Variants in CDC42BPB observed in about 807,000 individuals in gnomAD.
The protein encoded by CDC42BPB is serine/threonine-protein kinase MRCK beta.
Under a neutral mutation model 214.9 loss-of-function variants are expected in CDC42BPB, and 37 were observed. The ratio of observed to expected loss-of-function variants is 0.17; its 90% CI spans 0.13 to 0.23. CDC42BPB has a LOEUF of 0.23. Ranked by LOEUF, CDC42BPB falls within the 10% of genes least tolerant of loss-of-function variation. CDC42BPB has a pLI of 1.00. For synonymous variants in CDC42BPB, 931 were observed against 884.0 expected, an observed-to-expected ratio of 1.05 and a Z score of -0.94; for missense variants, 1,694 against 2,227.0, an observed-to-expected ratio of 0.76 and a Z score of 4.82.
At chr14:102,958,482 G>A (rs1199083307) in intron 21 of CDC42BPB, among the ~76,000 whole-genome samples, 6 of 152,144 alleles carry the variant, frequency 3.9e-5, no homozygotes, top group Non-Finnish European at 7.3e-5. Context: ...CCCATCAGGA[G>A]TTCCATTAGT....
intron 26 of CDC42BPB, 38 bp downstream of exon 26, chr14:102,949,727 G>C: frequency 6.2e-7 from 1 of 1,610,930 alleles, no homozygotes; most frequent in Non-Finnish European, 8.5e-7. Flanking sequence ...AGCTGAGGAA[G>C]ATTCACAGAG....
At chr14:102,949,951 G>T in intron 25 of CDC42BPB, 47 bp from the exon 26 acceptor site, 1 of 1,606,174 alleles carries the variant, frequency 6.2e-7, no homozygotes. Context: ...GGCCAGGCAG[G>T]CCGCCAGGCC....
intron 2 of CDC42BPB, among the ~76,000 whole-genome samples, chr14:103,010,898 C>G (rs558591452): frequency 6.6e-6 from 1 of 152,142 alleles, no homozygotes; most frequent in Non-Finnish European, 1.5e-5. Flanking sequence ...GGCCTGGTGG[C>G]GGGCACCTGT....
intron 14 of CDC42BPB, among the ~76,000 whole-genome samples, chr14:102,969,547 G>T (rs1893378121): frequency 6.6e-6 from 1 of 152,238 alleles, no homozygotes; most frequent in Non-Finnish European, 1.5e-5. Flanking sequence ...CCCAGAGGAA[G>T]AGTTGCCAGA....
chr14:102,987,786 CAA>C (rs775696942), intron 5 of CDC42BPB, among the ~76,000 whole-genome samples: 5,707 of 111,084 alleles, frequency 0.051, 111 homozygotes, highest in Admixed American at 0.082. Context: ...CACAAACACA[CAA>C]ACACACACAC....
intron 1 of CDC42BPB, among the ~76,000 whole-genome samples, chr14:103,053,595 A>ATTTT (rs1888752702): frequency 6.7e-6 from 1 of 150,306 alleles, no homozygotes; most frequent in Non-Finnish European, 1.5e-5. Context: ...CCCCGTCTCT[A>ATTTT]CTAAAAATAC....
intron 31 of CDC42BPB, 25 bp downstream of exon 31, chr14:102,940,202 C>T (rs1193242913): frequency 1.9e-6 from 3 of 1,610,568 alleles, no homozygotes; most frequent in African/African-American, 2.7e-5. Context: ...CCCGCCCGCA[C>T]AGGAGGGCAC....
intron 24 of CDC42BPB, among the ~76,000 whole-genome samples, chr14:102,952,101 A>G (rs748149911): frequency 6.6e-6 from 1 of 152,126 alleles, no homozygotes; most frequent in Non-Finnish European, 1.5e-5. Context: ...TAATTCCAGC[A>G]CTTCGGGAGG....
At position 102,949,903 on chromosome 14, in the gene CDC42BPB, A is replaced by G; in HGVS notation, c.3311T>C (p.Val1104Ala). The G allele has an allele frequency of 6.2e-7, 1 of 1,613,096 alleles. No individual in the cohort carries two copies. The highest frequency in any genetic ancestry group is 8.5e-7 in the Non-Finnish European group (1 of 1,179,780). The change falls in exon 26 of 37, where the codon GTC becomes GCC. Residue 1104 changes from valine to alanine, a missense_variant and splice_region_variant. Physicochemically the swap from Val to Ala is moderately conservative, Grantham distance 64. Around this residue, in one of 7 missense-constraint regions of CDC42BPB, gnomAD observed 567 missense variants for 790.3 expected, o/e 0.72. Coordinates refer to ENST00000361246, the MANE Select transcript of CDC42BPB (RefSeq NM_006035.4). ...CTTCTTCACCCCCGTGGGCTTTGGG[A>G]CCTATGAATAAAAACAAACAGTGGC... is the stretch of plus-strand genomic sequence containing the variant. The part of the protein sequence containing the change: ...IGTAYKGHVK[V>A]PKPTGVKKGW...
rs59078830 is a variant in CDC42BPB, at chr14:102,946,193, ATT to A, written c.3748+273_3748+274del. Reference sequence around the variant, plus strand: ...CCAGCTATATTTTATTTTTATTTTTATTTTTTTTTTTAGCAGAGACAGGGTTT... The same window carrying A: ...CCAGCTATATTTTATTTTTATTTTTATTTTTTTTTAGCAGAGACAGGGTTT... On this transcript the variant is annotated intron_variant, in intron 28 of 36. Coordinates refer to ENST00000361246, the MANE Select transcript of CDC42BPB (RefSeq NM_006035.4). Among the ~76,000 whole-genome samples, 49 of 145,344 alleles carry A rather than the reference ATT, an allele frequency of 3.4e-4. 1 individual carries two copies. The Middle Eastern group carries it at 0.018, about 53-fold the overall frequency.
intron 19 of CDC42BPB, 37 bp downstream of exon 19, chr14:102,964,465 C>A: frequency 6.2e-7 from 1 of 1,608,604 alleles, no homozygotes; most frequent in African/African-American, 1.3e-5. Flanking sequence ...CACACAGCCA[C>A]TGCTCCTACC....
At chr14:102,993,501 AAG>A (rs912630755) in intron 5 of CDC42BPB, among the ~76,000 whole-genome samples, 1 of 152,050 alleles carries the variant, frequency 6.6e-6, no homozygotes, top group Non-Finnish European at 1.5e-5. Flanking sequence ...GAAAGGCAGA[AAG>A]AGAGAGGGAG....
intron 1 of CDC42BPB, among the ~76,000 whole-genome samples, chr14:103,039,443 T>C (rs1052652340): frequency 6.6e-6 from 1 of 152,154 alleles, no homozygotes; most frequent in Non-Finnish European, 1.5e-5. Context: ...TCAAGTGGGA[T>C]TCATCCCAGG....
chr14:103,008,621 A>C (rs1239818476), intron 2 of CDC42BPB, 66 bp from the exon 3 acceptor site: 1 of 1,588,610 alleles, frequency 6.3e-7, no homozygotes. Context: ...CGCTGGAGCT[A>C]AACTGTAGTG....
intron 18 of CDC42BPB, among the ~76,000 whole-genome samples, 182 bp downstream of exon 18, chr14:102,966,100 G>A (rs567120467): frequency 4.6e-5 from 7 of 152,336 alleles, no homozygotes; most frequent in South Asian, 2.1e-4. Context: ...GAATGCTGTC[G>A]AGAGAAGCCA....
At position 103,004,485 on chromosome 14, in the gene CDC42BPB, T is replaced by G. The variant is rs35070047; in HGVS notation, c.352-462A>C. 3.0e-3 allele frequency among the ~76,000 whole-genome samples: 462 copies of G among 152,300 alleles called. 3 individuals carry two copies. Among genetic ancestry groups the G allele is most frequent in the African/African-American group, 1.0e-2 (414 of 41,574 alleles). On this transcript the variant is annotated intron_variant, in intron 3 of 36. Coordinates refer to ENST00000361246, the MANE Select transcript of CDC42BPB (RefSeq NM_006035.4). This position sits in a 1 kb window ranked among gnomAD's most constrained non-coding sequence, Gnocchi z 5.3. ...GCACACGTTTGCTGAAATCACAGTA[T>G]AGTGATGACACAATTGTCACAGATT...
rs1443849759 is a variant in CDC42BPB, at chr14:102,973,898, A to G, written c.1641+118T>C. On this transcript the variant is annotated intron_variant, in intron 12 of 36. Coordinates refer to ENST00000361246, the MANE Select transcript of CDC42BPB (RefSeq NM_006035.4). The stretch of plus-strand genomic sequence containing the variant: ...GGCTTGGCCCTGGCGTCCTGCATGC[A>G]GCAGGGACAGCCCATGGGCAGGAGT... 12 of 1,281,542 alleles carry G rather than the reference A, an allele frequency of 9.4e-6. No individual in the cohort carries two copies. In the East Asian group the frequency reaches 2.3e-4, roughly 24 times the overall value. 79.4% of individuals were successfully genotyped at this position (1,281,542 alleles called of 1,614,324 possible).
At chr14:102,967,436 A>G in intron 16 of CDC42BPB, 1 of 780,478 alleles carries the variant, frequency 1.3e-6, no homozygotes, top group Non-Finnish European at 1.6e-6. Flanking sequence ...CATCCTATTT[A>G]AAAGACCAAA....
chr14:102,952,006 A>G (rs780093746), intron 24 of CDC42BPB, among the ~76,000 whole-genome samples: 3 of 152,184 alleles, frequency 2.0e-5, no homozygotes, highest in Non-Finnish European at 2.9e-5. Flanking sequence ...AGCCCCCAGC[A>G]CAGCAGGGAT....
Sources: allele counts gnomAD v4.1 joint callset (sites outside exome capture counted in the v4.1 genomes callset), GRCh38; gene constraint gnomAD v4.1.1; regional missense constraint gnomAD v4.1.1; non-coding constraint Gnocchi (gnomAD v3.1); transcripts MANE v1.5; gene names NCBI Gene and HGNC (gene_info 2026-07-23, HGNC 2026-07-21).